Variants in ZNF695 observed in about 807,000 individuals in gnomAD.
ZNF695 encodes zinc finger protein SBZF3.
A neutral mutation model predicts 11.2 loss-of-function variants in ZNF695; 11 were observed. That is an observed-to-expected ratio of 0.98 (90% confidence interval 0.62 to 1.62). The LOEUF (loss-of-function observed/expected upper bound fraction) is 1.62. ZNF695 is among the 40% of genes most tolerant of loss of function. The pLI is 0.00. For synonymous variants in ZNF695, 190 were observed against 201.4 expected, an observed-to-expected ratio of 0.94 and a Z score of 0.48; for missense variants, 559 against 590.5, an observed-to-expected ratio of 0.95 and a Z score of 0.55.
chr1:246,991,159 CAAAA>C (rs1181073266), intron 3 of ZNF695, among the ~76,000 whole-genome samples: 2 of 151,692 alleles, frequency 1.3e-5, no homozygotes, highest in Non-Finnish European at 2.9e-5. Context: ...ATCAATGAAA[CAAAA>C]AATTAGTTTT....
At chr1:246,972,032 G>A (rs186911872) in intron 4 of ZNF695, among the ~76,000 whole-genome samples, 220 of 152,296 alleles carry the variant, frequency 1.4e-3, no homozygotes, top group African/African-American at 4.9e-3. Flanking sequence ...TCCCTCCCCC[G>A]GCTCAGACAA....
At chr1:246,999,466 G>C in intron 2 of ZNF695, 26 bp from the exon 3 acceptor site, 1 of 1,561,622 alleles carries the variant, frequency 6.4e-7, no homozygotes, top group Non-Finnish European at 8.8e-7. Flanking sequence ...AAAGGTGCAT[G>C]ATTCTTGCAG....
At position 246,986,780 on chromosome 1, in the gene ZNF695, T is replaced by A. The variant is rs1668862025; in HGVS notation, c.*187A>T. 4.4e-6 allele frequency: 6 copies of A among 1,351,428 alleles called. No individual in the cohort carries two copies. Among genetic ancestry groups the A allele is most frequent in the Non-Finnish European group, 5.7e-6 (6 of 1,058,240 alleles). The allele number at this position is 1,351,428 out of a possible 1,614,324, so 83.7% of individuals were successfully genotyped here. A position where few individuals can be genotyped will look rare whatever the true frequency, so the allele number is the denominator to read the frequency against. On this transcript the variant is annotated 3_prime_UTR_variant, in exon 4 of 4. Transcript: ENST00000339986. ...AAGAGCTGTGATATAAGTGGAGGTGTTGAACCGGTCTATTTGTATTGTTCG... is the reference window on the plus strand; with the variant it reads ...AAGAGCTGTGATATAAGTGGAGGTGATGAACCGGTCTATTTGTATTGTTCG...
rs200143022 is a variant in ZNF695, at chr1:246,950,650, CAAAAAA to C, written c.489-4829_489-4824del. On this transcript the variant is annotated intron_variant, in intron 5 of 5. Coordinates refer to the ZNF695 transcript ENST00000487338. ...AGGGCAACAGAGCGAAACTCCGTTT[CAAAAAA>C]AAAAAAAAAAAAAAAAAAAAATCCA... is the stretch of plus-strand genomic sequence containing the variant. 1.8e-4 allele frequency among the ~76,000 whole-genome samples: 19 copies of C among 105,370 alleles called. 1 individual carries two copies. Among genetic ancestry groups the C allele is most frequent in the South Asian group, 1.1e-3 (3 of 2,656 alleles). 69.1% of individuals were successfully genotyped at this position (105,370 alleles called of 152,430 possible). A position where few individuals can be genotyped will look rare whatever the true frequency, so the allele number is the denominator to read the frequency against.
At chr1:246,963,324 G>A (rs191997317) in intron 5 of ZNF695, among the ~76,000 whole-genome samples, 28 of 152,322 alleles carry the variant, frequency 1.8e-4, no homozygotes, top group Non-Finnish European at 3.2e-4. Flanking sequence ...AGCGGCTCAT[G>A]CCTGTAATCC....
intron 3 of ZNF695, among the ~76,000 whole-genome samples, chr1:246,996,766 C>T (rs1268831415): frequency 6.6e-6 from 1 of 152,048 alleles, no homozygotes; most frequent in East Asian, 1.9e-4. Flanking sequence ...AATGAAGTAA[C>T]CCAGTCACAA....
chr1:246,976,950 T>C (rs188348118), intron 4 of ZNF695, among the ~76,000 whole-genome samples: 134 of 152,300 alleles, frequency 8.8e-4, no homozygotes, highest in African/African-American at 3.1e-3. Flanking sequence ...CTTTAGACAT[T>C]ATAAATTTAC....
chr1:246,966,251 G>A (rs1668287673), intron 5 of ZNF695, among the ~76,000 whole-genome samples: 1 of 152,104 alleles, frequency 6.6e-6, no homozygotes, highest in South Asian at 2.1e-4. Flanking sequence ...CACATTGGGA[G>A]GCCAAGGCAG....
At chr1:246,975,723 A>G (rs1233267331) in intron 4 of ZNF695, among the ~76,000 whole-genome samples, 3 of 152,214 alleles carry the variant, frequency 2.0e-5, no homozygotes, top group African/African-American at 7.2e-5. Flanking sequence ...GACAGTAAGG[A>G]GTAAGCTAAG....
chr1:246,984,145 A>C (rs1314497803), downstream of ZNF695, among the ~76,000 whole-genome samples: 1 of 84,754 alleles, frequency 1.2e-5, no homozygotes. Context: ...CAGTGAGACC[A>C]TGTCTCCAAA....
At chr1:246,997,841 A>G (rs1032762878) in intron 3 of ZNF695, among the ~76,000 whole-genome samples, 4 of 152,232 alleles carry the variant, frequency 2.6e-5, no homozygotes, top group African/African-American at 9.6e-5. Flanking sequence ...CATATGAGCA[A>G]TCTTAAAAGG....
chr1:247,005,992 G>C (rs1034250602), intron 1 of ZNF695, among the ~76,000 whole-genome samples: 1 of 152,146 alleles, frequency 6.6e-6, no homozygotes, highest in Non-Finnish European at 1.5e-5. Flanking sequence ...TTGGGAGGCC[G>C]AGGCGGGAGG....
chr1:246,986,945 G>A lies in ZNF695; in HGVS notation c.*22C>T. 3 of 1,543,650 alleles carry A rather than the reference G, an allele frequency of 1.9e-6. No individual in the cohort carries two copies. The South Asian group carries it at 3.9e-5, about 20-fold the overall frequency. On this transcript the variant is annotated 3_prime_UTR_variant, in exon 4 of 4. Transcript: ENST00000339986. The stretch of plus-strand genomic sequence containing the variant: ...TAGGTATTAAAGACTATGCCATATT[G>A]TTTAGAATTGTAGGGTTTTTCTCAG...
At chr1:246,995,477 A>G (rs1431025712) in intron 3 of ZNF695, among the ~76,000 whole-genome samples, 1 of 152,180 alleles carries the variant, frequency 6.6e-6, no homozygotes, top group African/African-American at 2.4e-5. Context: ...GGAACCATGA[A>G]GAGCGCAACA....
intron 1 of ZNF695, among the ~76,000 whole-genome samples, chr1:247,001,585 C>T (rs1269159599): frequency 3.3e-5 from 5 of 151,118 alleles, no homozygotes; most frequent in Non-Finnish European, 5.9e-5. Context: ...TGGTGGCGGG[C>T]GCCTGTAATC....
intron 3 of ZNF695, among the ~76,000 whole-genome samples, 179 bp downstream of exon 3, chr1:246,999,169 C>T (rs1398309519): frequency 2.6e-5 from 4 of 152,014 alleles, no homozygotes; most frequent in Non-Finnish European, 4.4e-5. Flanking sequence ...AAATACAGTC[C>T]TTAGACAATT....
intron 4 of ZNF695, among the ~76,000 whole-genome samples, chr1:246,975,361 A>T (rs61852590): frequency 0.12 from 18,127 of 152,270 alleles, 1,313 homozygotes; most frequent in Middle Eastern, 0.17. Flanking sequence ...TGTATTTTCC[A>T]TATATTTATG....
At chr1:246,969,575 A>G (rs995898817) in intron 4 of ZNF695, 2 of 152,218 alleles carry the variant, frequency 1.3e-5, no homozygotes, top group African/African-American at 4.8e-5. Flanking sequence ...AGTCACTTCC[A>G]CATTTTCAGG....
chr1:246,990,540 C>T (rs1462079080), intron 3 of ZNF695, among the ~76,000 whole-genome samples: 2 of 152,180 alleles, frequency 1.3e-5, no homozygotes, highest in Non-Finnish European at 2.9e-5. Flanking sequence ...ACCTCATTTG[C>T]AGCACTGGAC....
Sources: gnomAD v4.1 joint callset for allele counts (sites outside exome capture counted in the v4.1 genomes callset) on GRCh38, gnomAD v4.1.1 for gene constraint, MANE v1.5 for transcripts, NCBI Gene and HGNC (gene_info 2026-07-23, HGNC 2026-07-21) for gene names.